Variants in CASK observed in about 807,000 individuals in gnomAD.
The protein encoded by CASK is peripheral plasma membrane protein CASK.
In CASK, 4 loss-of-function variants were observed where a neutral mutation model predicts 82.9. The observed-to-expected ratio is 0.05, with a 90% confidence interval of 0.02 to 0.11. The LOEUF is 0.11. Ranked by LOEUF, CASK falls within the 10% of genes least tolerant of loss-of-function variation. CASK has a pLI of 1.00. For missense variants in CASK, 358 were observed against 720.9 expected, an observed-to-expected ratio of 0.50 and a Z score of 5.76; for synonymous variants, 259 against 253.5, an observed-to-expected ratio of 1.02 and a Z score of -0.20.
chrX:41,815,750 A>G (rs1176206874), intron 2 of CASK, among the ~76,000 whole-genome samples: 1 of 112,210 alleles, frequency 8.9e-6, no homozygotes, highest in Admixed American at 9.5e-5. Flanking sequence ...AATGTTATGT[A>G]AACTATAAGC....
rs570000501 is a variant in CASK at position 41,589,934 on chromosome X, G to T, written c.1156-342C>A. 7.8e-5 allele frequency: 16 copies of T among 204,756 alleles called. No individual in the cohort carries two copies. In the South Asian group the frequency reaches 1.3e-3, roughly 16 times the overall value. The allele number at this position is 204,756 out of a possible 1,213,427, so 16.9% of individuals were successfully genotyped here. On this transcript the variant is annotated intron_variant, in intron 12 of 26. Transcript: ENST00000378163. ...CAATAGCATGAATACAGAGTAAAATGAAAGAATGCTTTCTGGCCAAGGCAC... is the reference window on the plus strand; with the variant it reads ...CAATAGCATGAATACAGAGTAAAATTAAAGAATGCTTTCTGGCCAAGGCAC...
chrX:41,707,561 C>T (rs760795955), intron 5 of CASK, among the ~76,000 whole-genome samples: 1 of 112,068 alleles, frequency 8.9e-6, no homozygotes, highest in South Asian at 3.7e-4. Flanking sequence ...ATAAATGATG[C>T]ATAAAAAATA....
At chrX:41,894,306 A>C in intron 1 of CASK, among the ~76,000 whole-genome samples, 1 of 111,412 alleles carries the variant, frequency 9.0e-6, no homozygotes. Context: ...AGTAGAAAAA[A>C]ATCAGCAAAC....
chrX:41,532,811 CTATT>C (rs1220316841), intron 24 of CASK, among the ~76,000 whole-genome samples: 1 of 110,938 alleles, frequency 9.0e-6, no homozygotes, highest in Non-Finnish European at 1.9e-5. Context: ...ACCGGCGTTA[CTATT>C]TATTTATTTA....
intron 2 of CASK, among the ~76,000 whole-genome samples, chrX:41,833,137 T>C (rs2070857939): frequency 8.9e-6 from 1 of 111,964 alleles, no homozygotes; most frequent in African/African-American, 3.2e-5. Flanking sequence ...TTGGGGGTTA[T>C]AAATATTATC....
chrX:41,737,447 C>T (rs1056719976), intron 5 of CASK, among the ~76,000 whole-genome samples: 3 of 111,710 alleles, frequency 2.7e-5, no homozygotes, highest in Non-Finnish European at 3.8e-5. Flanking sequence ...TAAGAGATAC[C>T]GAGCCTTATC....
At chrX:41,600,049 T>G (rs955488679) in intron 12 of CASK, among the ~76,000 whole-genome samples, 1 of 112,026 alleles carries the variant, frequency 8.9e-6, no homozygotes, top group African/African-American at 3.2e-5. Context: ...CTTAAGCAAC[T>G]ACAAGAGTTA....
At chrX:41,802,988 C>T (rs1003994800) in intron 2 of CASK, among the ~76,000 whole-genome samples, 1 of 111,053 alleles carries the variant, frequency 9.0e-6, no homozygotes, top group Non-Finnish European at 1.9e-5. Flanking sequence ...CAGAAAGTTA[C>T]TAGAGGGCAT....
At chrX:41,645,978 C>T (rs952892718) in intron 8 of CASK, among the ~76,000 whole-genome samples, 1 of 111,371 alleles carries the variant, frequency 9.0e-6, no homozygotes, top group South Asian at 3.8e-4. Flanking sequence ...CACAGATGAC[C>T]GTTGCCCTGC....
intron 19 of CASK, 121 bp from the exon 20 acceptor site, chrX:41,555,756 T>G (rs2065152621): frequency 1.9e-6 from 1 of 518,791 alleles, no homozygotes; most frequent in East Asian, 3.7e-5. Context: ...TGTAAAGAGA[T>G]AATATACATT....
At chrX:41,837,142 C>T (rs1396666509) in intron 2 of CASK, among the ~76,000 whole-genome samples, 1 of 111,856 alleles carries the variant, frequency 8.9e-6, no homozygotes, top group Non-Finnish European at 1.9e-5. Flanking sequence ...ATAAGGGAAA[C>T]CTTACAATTT....
chrX:41,785,679 A>G (rs769392381), intron 3 of CASK, among the ~76,000 whole-genome samples: 7 of 112,105 alleles, frequency 6.2e-5, no homozygotes, highest in African/African-American at 1.9e-4. Flanking sequence ...CTTTGCTACA[A>G]ACTTGTAAAA....
intron 21 of CASK, among the ~76,000 whole-genome samples, chrX:41,550,235 C>T (rs1047886159): frequency 1.1e-4 from 12 of 112,038 alleles, no homozygotes; most frequent in South Asian, 3.7e-4. Flanking sequence ...CCCTCCACCC[C>T]CATCTTGCAT....
At chrX:41,520,739 C>A in intron 26 of CASK, 143 bp from the exon 27 acceptor site, 3 of 536,391 alleles carry the variant, frequency 5.6e-6, no homozygotes, top group Non-Finnish European at 9.7e-6. Context: ...CCCTGATATG[C>A]CATATGCCAG....
rs748529953 is a variant in CASK, at chrX:41,566,430, A to G, written c.1582+3238T>C. Among the ~76,000 whole-genome samples, 4 of 111,734 alleles carry G rather than the reference A, an allele frequency of 3.6e-5. No homozygotes were observed. In the South Asian group the frequency reaches 1.5e-3, roughly 42 times the overall value. On this transcript the variant is annotated intron_variant, in intron 16 of 26. Coordinates refer to ENST00000378163, the MANE Select transcript of CASK (RefSeq NM_001367721.1). The stretch of plus-strand genomic sequence containing the variant: ...ATGTGCAAAAATCACAAGCATTCCT[A>G]TACACCAATAACAGACAAATAGAGA...
chrX:41,670,566 G>T (rs780900392), intron 6 of CASK, among the ~76,000 whole-genome samples: 1 of 111,318 alleles, frequency 9.0e-6, no homozygotes, highest in South Asian at 3.8e-4. Flanking sequence ...GGGCAATGTA[G>T]TGAGACCTTG....
intron 1 of CASK, among the ~76,000 whole-genome samples, chrX:41,875,192 T>C (rs5963281): frequency 1.0e-3 from 114 of 112,350 alleles, no homozygotes; most frequent in African/African-American, 3.5e-3. Context: ...TTCTGCATTA[T>C]ATATTTGCCC....
intron 2 of CASK, among the ~76,000 whole-genome samples, chrX:41,829,696 GATATATATATAT>G (rs55730177): frequency 1.0e-3 from 17 of 16,265 alleles, no homozygotes; most frequent in East Asian, 0.016. Flanking sequence ...TAGGTCACAA[GATATATATATAT>G]ATATATATAT....
At chrX:41,912,820 A>C (rs955986951) in intron 1 of CASK, among the ~76,000 whole-genome samples, 2 of 100,087 alleles carry the variant, frequency 2.0e-5, no homozygotes, top group Admixed American at 2.2e-4. Flanking sequence ...AATATATATA[A>C]AAATATATAT....
Sources: gnomAD v4.1 joint callset for allele counts (sites outside exome capture counted in the v4.1 genomes callset) on GRCh38, gnomAD v4.1.1 for gene constraint, MANE v1.5 for transcripts, NCBI Gene and HGNC (gene_info 2026-07-23, HGNC 2026-07-21) for gene names.